The following RAB17 variants were observed in gnomAD, a reference collection of about 807,000 sequenced individuals.
The protein encoded by RAB17 is ras-related protein Rab-17.
RAB17 carries 15 observed loss-of-function variants against 19.3 expected under a neutral mutation model. That is an observed-to-expected ratio of 0.78 (90% CI 0.52 to 1.20). RAB17 has a LOEUF of 1.20. RAB17 is among the 50% of genes most tolerant of loss of function. RAB17 has a pLI of 0.00. For synonymous variants in RAB17, 110 were observed against 112.8 expected (o/e 0.97, Z 0.16); for missense variants, 262 against 269.3 (o/e 0.97, Z 0.19).
intron 1 of RAB17, among the ~76,000 whole-genome samples, chr2:237,589,872 G>A (rs1039645866): frequency 6.6e-6 from 1 of 152,052 alleles, no homozygotes; most frequent in Admixed American, 6.6e-5. Context: ...TCTTTTTTGC[G>A]GGGAAGGGGC....
At position 237,589,900 on chromosome 2, in the gene RAB17, T is replaced by C. The variant is rs544933943; in HGVS notation, c.-4+567A>G. 1.1e-3 allele frequency among the ~76,000 whole-genome samples: 166 copies of C among 152,312 alleles called. 1 individual carries two copies. The highest frequency in any genetic ancestry group is 3.9e-3 in the African/African-American group (162 of 41,566). ...GAAGGGGCCATTCCAGGGAAGGGTC[T>C]GATTGATGAGTCTATCGGCAACTGT... On this transcript the variant is annotated intron_variant, in intron 1 of 5. Transcript: ENST00000264601.
Position 237,574,390 on chromosome 2 carries a change from G to T in RAB17, c.*629C>A. 6.5e-7 allele frequency: 1 copy of T among 1,526,914 alleles called. No homozygotes were observed. The highest frequency in any genetic ancestry group is 8.8e-7 in the Non-Finnish European group (1 of 1,134,222). The allele number at this position is 1,526,914 out of a possible 1,614,324, so 94.6% of individuals were successfully genotyped here. ...ACGCAGTACAACTTATATCTCAGGC[G>T]AAATGTCTCAGAATCTTCCTGCTCA... On this transcript the variant is annotated 3_prime_UTR_variant, in exon 6 of 6. Coordinates refer to ENST00000264601, the MANE Select transcript of RAB17 (RefSeq NM_022449.4).
At chr2:237,588,505 A>G (rs2081368379) in intron 1 of RAB17, among the ~76,000 whole-genome samples, 1 of 152,290 alleles carries the variant, frequency 6.6e-6, no homozygotes, top group Middle Eastern at 3.4e-3. Context: ...TCAGCTGGGG[A>G]CAGGCTCTCA....
chr2:237,575,001 C>A lies in RAB17; in HGVS notation c.*18G>T. ...AGGCAGGGGGTGTCTTCCCCACAGC[C>A]CCCAGGAGTGGCTGCACCTAGTGGG... On this transcript the variant is annotated 3_prime_UTR_variant, in exon 6 of 6. Coordinates refer to ENST00000264601, the MANE Select transcript of RAB17 (RefSeq NM_022449.4). 1 of 1,582,198 alleles carries A rather than the reference C, an allele frequency of 6.3e-7. No homozygotes were observed.
At chr2:237,583,106 AAAT>A (rs2081320569) in intron 2 of RAB17, among the ~76,000 whole-genome samples, 1 of 152,226 alleles carries the variant, frequency 6.6e-6, no homozygotes, top group African/African-American at 2.4e-5. Context: ...GTCTCAAAAA[AAAT>A]AATAATAAAA....
At chr2:237,576,726 A>T (rs1241321294) in intron 4 of RAB17, 1 of 471,234 alleles carries the variant, frequency 2.1e-6, no homozygotes, top group South Asian at 1.5e-5. Flanking sequence ...GCCGTGGAAG[A>T]GAAACAACAG....
chr2:237,578,233 G>A lies in RAB17; in HGVS notation c.158-78C>T, dbSNP rs565628765. On this transcript the variant is annotated intron_variant, in intron 2 of 5. Transcript: ENST00000264601. ...GGCTCAGGTGGGACCACGGCAAGCC[G>A]CAGGCACAGCAATGGGCTCAGAGGG... 12 of 1,437,222 alleles carry A rather than the reference G, an allele frequency of 8.3e-6. No homozygotes were observed. The African/African-American group carries it at 9.9e-5, about 12-fold the overall frequency. 89.0% of individuals were successfully genotyped at this position (1,437,222 alleles called of 1,614,324 possible).
Position 237,574,974 on chromosome 2 carries a change from C to T in RAB17, c.*45G>A. 1 of 1,428,986 alleles carries T rather than the reference C, an allele frequency of 7.0e-7. No homozygotes were observed. Among genetic ancestry groups the T allele is most frequent in the Non-Finnish European group, 9.5e-7 (1 of 1,047,514 alleles). 88.5% of individuals were successfully genotyped at this position (1,428,986 alleles called of 1,614,324 possible). A position where few individuals can be genotyped will look rare whatever the true frequency, so the allele number is the denominator to read the frequency against. Reference sequence around the variant, plus strand: ...GAATCCACCTAGAGCTGGCCATGGCCCAGGCAGGGGGTGTCTTCCCCACAG... The same window carrying T: ...GAATCCACCTAGAGCTGGCCATGGCTCAGGCAGGGGGTGTCTTCCCCACAG... On this transcript the variant is annotated 3_prime_UTR_variant, in exon 6 of 6. Transcript: ENST00000264601.
intron 2 of RAB17, among the ~76,000 whole-genome samples, chr2:237,580,872 T>C (rs566829873): frequency 6.6e-6 from 1 of 152,296 alleles, no homozygotes; most frequent in African/African-American, 2.4e-5. Context: ...TAATGCATAA[T>C]AATAGTCAAT....
intron 2 of RAB17, 131 bp downstream of exon 2, chr2:237,585,866 TG>T: frequency 1.1e-6 from 1 of 932,206 alleles, no homozygotes; most frequent in African/African-American, 1.7e-5. Context: ...CCTCACGCAC[TG>T]GACACAGGCA....
chr2:237,576,325 C>T (rs540627377), intron 4 of RAB17, among the ~76,000 whole-genome samples: 9 of 152,254 alleles, frequency 5.9e-5, no homozygotes, highest in African/African-American at 2.2e-4. Context: ...CCGCCCACTG[C>T]CCCTCCAAGC....
At chr2:237,582,261 A>T (rs1001552579) in intron 2 of RAB17, among the ~76,000 whole-genome samples, 1 of 152,142 alleles carries the variant, frequency 6.6e-6, no homozygotes, top group Non-Finnish European at 1.5e-5. Flanking sequence ...CACCTGTGTC[A>T]TGTCCTGCTG....
chr2:237,574,835 C>T lies in RAB17; in HGVS notation c.*184G>A, dbSNP rs113568624. 5.1e-4 allele frequency: 417 copies of T among 818,434 alleles called. 1 individual carries two copies. The highest frequency in any genetic ancestry group is 7.6e-4 in the Middle Eastern group (3 of 3,956). The allele number at this position is 818,434 out of a possible 1,614,324, so 50.7% of individuals were successfully genotyped here. ...CAGCACTTTCCTGGGAGCCATGTGA[C>T]GCCAGATCTTCCTCTGGCAGTTCCC... is the stretch of plus-strand genomic sequence containing the variant. On this transcript the variant is annotated 3_prime_UTR_variant, in exon 6 of 6. Transcript: ENST00000264601.
At chr2:237,577,225 G>A in intron 4 of RAB17, 32 bp downstream of exon 4, 3 of 1,594,342 alleles carry the variant, frequency 1.9e-6, no homozygotes, top group Non-Finnish European at 2.6e-6. Context: ...CTCCTGCTGT[G>A]GAAGAGCAGA....
chr2:237,577,941 T>A, intron 3 of RAB17, 63 bp downstream of exon 3: 1 of 1,529,470 alleles, frequency 6.5e-7, no homozygotes, highest in African/African-American at 1.4e-5. Context: ...ATCATTGCAC[T>A]GGAGAAACCA....
chr2:237,584,193 C>A (rs1414179812), intron 2 of RAB17, among the ~76,000 whole-genome samples: 2 of 151,994 alleles, frequency 1.3e-5, no homozygotes, highest in Non-Finnish European at 2.9e-5. Flanking sequence ...CACCCCCCCA[C>A]CCCCACCCAA....
intron 2 of RAB17, chr2:237,578,445 G>A (rs953751632): frequency 4.3e-5 from 12 of 278,140 alleles, no homozygotes; most frequent in African/African-American, 1.1e-4. Context: ...TACATATGCC[G>A]TGAAAGGGAT....
At chr2:237,575,312 C>T in intron 5 of RAB17, 75 bp downstream of exon 5, 1 of 1,267,080 alleles carries the variant, frequency 7.9e-7, no homozygotes, top group South Asian at 1.3e-5. Context: ...ACCACGTCAC[C>T]AGCAACAGGG....
intron 3 of RAB17, 139 bp from the exon 4 acceptor site, chr2:237,577,521 G>A: frequency 1.0e-6 from 1 of 991,210 alleles, no homozygotes; most frequent in Non-Finnish European, 1.4e-6. Flanking sequence ...CACCTGCAGG[G>A]CTGCTCCGTT....
Sources: allele counts gnomAD v4.1 joint callset (sites outside exome capture counted in the v4.1 genomes callset), GRCh38; gene constraint gnomAD v4.1.1; transcripts MANE v1.5; gene names NCBI Gene and HGNC (gene_info 2026-07-23, HGNC 2026-07-21).